Variants in VAT1L observed in about 807,000 individuals in gnomAD.
VAT1L encodes putative NADPH-dependent quinone oxidoreductase VAT1L.
Under a neutral mutation model 44.1 loss-of-function variants are expected in VAT1L, and 34 were observed. That is an observed-to-expected ratio of 0.77 (90% CI 0.59 to 1.03). The LOEUF is 1.03. VAT1L is among the 50% of genes least tolerant of loss of function. VAT1L has a pLI of 0.00. For missense variants in VAT1L, 615 were observed against 538.8 expected (o/e 1.14, Z -1.40); for synonymous variants, 253 against 202.2 (o/e 1.25, Z -2.13).
At chr16:77,913,491 G>C (rs142233353) in intron 7 of VAT1L, among the ~76,000 whole-genome samples, 200 of 150,008 alleles carry the variant, frequency 1.3e-3, no homozygotes, top group African/African-American at 4.6e-3. Context: ...ATCAGCTCTC[G>C]ATCCTCATCA....
Position 77,979,253 on chromosome 16 carries a change from G to T in VAT1L, c.*1558G>T, listed in dbSNP as rs2018373979. The T allele has an allele frequency of 6.6e-6, 1 of 152,552 alleles. No homozygotes were observed. The highest frequency in any genetic ancestry group is 2.1e-4 in the South Asian group (1 of 4,824). The allele number at this position is 152,552 out of a possible 1,614,324, so 9.4% of individuals were successfully genotyped here. On this transcript the variant is annotated 3_prime_UTR_variant, in exon 9 of 9. Transcript: ENST00000302536. ...TATCTGAAGAGTTTCTCCTCATTGT[G>T]AATGTGTATGTAAAATATGAAGACA...
intron 1 of VAT1L, among the ~76,000 whole-genome samples, chr16:77,808,940 C>G (rs1207798804): frequency 1.3e-5 from 2 of 152,098 alleles, no homozygotes; most frequent in Non-Finnish European, 1.5e-5. Flanking sequence ...GAATTTGGAG[C>G]CCCTTGTTAA....
chr16:77,971,945 G>C lies in VAT1L; in HGVS notation c.1161+12G>C. The C allele has an allele frequency of 2.5e-6, 4 of 1,612,156 alleles. No individual in the cohort carries two copies. Among genetic ancestry groups the C allele is most frequent in the Non-Finnish European group, 3.4e-6 (4 of 1,178,952 alleles). On this transcript the variant is annotated intron_variant, in intron 8 of 8. Transcript: ENST00000302536. ...CCCCAACTCCACTGGTGAGTGAAAA[G>C]CAGAGGAGTCTGTTCAGTTCCACGC...
chr16:77,791,737 G>A (rs1314704387), intron 1 of VAT1L, among the ~76,000 whole-genome samples: 1 of 152,096 alleles, frequency 6.6e-6, no homozygotes, highest in Non-Finnish European at 1.5e-5. Context: ...TGGCTTAAGA[G>A]AATATTCTCT....
chr16:77,943,177 C>T (rs1223069463), intron 7 of VAT1L, among the ~76,000 whole-genome samples: 5 of 151,556 alleles, frequency 3.3e-5, no homozygotes, highest in African/African-American at 9.7e-5. Flanking sequence ...CTGCCTCAGC[C>T]TCCTGAGTAG....
chr16:77,903,600 C>G (rs2017407560), intron 7 of VAT1L, among the ~76,000 whole-genome samples: 1 of 152,126 alleles, frequency 6.6e-6, no homozygotes, highest in Admixed American at 6.5e-5. Flanking sequence ...TGGGTACAAC[C>G]ACCCTATCTA....
intron 3 of VAT1L, among the ~76,000 whole-genome samples, chr16:77,830,167 C>T (rs1316347259): frequency 6.6e-6 from 1 of 152,162 alleles, no homozygotes; most frequent in African/African-American, 2.4e-5. Context: ...CTACTCAGAA[C>T]ACTCTTTATC....
intron 3 of VAT1L, among the ~76,000 whole-genome samples, chr16:77,855,294 C>T (rs529530250): frequency 4.7e-5 from 7 of 150,466 alleles, no homozygotes; most frequent in East Asian, 2.0e-4. Flanking sequence ...GAGCCGAGAT[C>T]GTGCCACTGC....
chr16:77,823,389 C>T (rs2016483389), intron 2 of VAT1L, among the ~76,000 whole-genome samples: 2 of 152,112 alleles, frequency 1.3e-5, no homozygotes, highest in Admixed American at 6.5e-5. Context: ...ATGAAAATAT[C>T]AGAGAATATG....
rs202041038 is a variant in VAT1L at position 77,957,554 on chromosome 16, G to A, written c.1078-14296G>A. The stretch of plus-strand genomic sequence containing the variant: ...ATCCAGGCCAACATGGTGAAACCCC[G>A]TCTCTACTAAAAATACAAAACTTAG... On this transcript the variant is annotated intron_variant, in intron 7 of 8. Transcript: ENST00000302536. Among the ~76,000 whole-genome samples, 5 of 151,864 alleles carry A rather than the reference G, an allele frequency of 3.3e-5. No individual in the cohort carries two copies. In the East Asian group the frequency reaches 7.8e-4, roughly 24 times the overall value.
chr16:77,921,419 C>T (rs2017610596), intron 7 of VAT1L, among the ~76,000 whole-genome samples: 1 of 152,096 alleles, frequency 6.6e-6, no homozygotes, highest in Admixed American at 6.6e-5. Context: ...TTAGGAGAAC[C>T]CATGGAAGAA....
intron 2 of VAT1L, among the ~76,000 whole-genome samples, chr16:77,818,772 A>T (rs2016398746): frequency 1.3e-5 from 2 of 152,218 alleles, no homozygotes; most frequent in South Asian, 4.1e-4. Context: ...TGCACAAAAA[A>T]ATAAGTCACT....
At chr16:77,825,097 T>G (rs2016503125) in intron 2 of VAT1L, 149 bp from the exon 3 acceptor site, 3 of 763,670 alleles carry the variant, frequency 3.9e-6, no homozygotes, top group Non-Finnish European at 6.6e-6. Context: ...GAACTCCTGA[T>G]CTTGATTGAT....
chr16:77,915,276 C>T (rs756746367), intron 7 of VAT1L, among the ~76,000 whole-genome samples: 1 of 152,162 alleles, frequency 6.6e-6, no homozygotes, highest in East Asian at 1.9e-4. Context: ...ATTTTTATTA[C>T]CATTCGTAAA....
At chr16:77,895,160 CAT>C (rs1486290283) in intron 7 of VAT1L, among the ~76,000 whole-genome samples, 3 of 147,216 alleles carry the variant, frequency 2.0e-5, no homozygotes, top group South Asian at 2.1e-4. Flanking sequence ...CAGCTGGCCT[CAT>C]GTGTTTTCTG....
At chr16:77,913,311 A>G (rs561885751) in intron 7 of VAT1L, among the ~76,000 whole-genome samples, 8 of 151,998 alleles carry the variant, frequency 5.3e-5, no homozygotes, top group South Asian at 2.1e-4. Context: ...TTGTCTTGCA[A>G]CTCTAAAACT....
intron 2 of VAT1L, among the ~76,000 whole-genome samples, chr16:77,821,870 C>T (rs981351215): frequency 2.0e-5 from 3 of 152,086 alleles, no homozygotes; most frequent in Admixed American, 1.3e-4. Flanking sequence ...GAGAAAAGAA[C>T]ATTTGAGCTG....
At chr16:77,907,809 T>C (rs1312853168) in intron 7 of VAT1L, among the ~76,000 whole-genome samples, 4 of 152,128 alleles carry the variant, frequency 2.6e-5, no homozygotes, top group African/African-American at 9.7e-5. Context: ...AGCTAGGCAG[T>C]TGTGGTCTAT....
intron 1 of VAT1L, among the ~76,000 whole-genome samples, chr16:77,804,990 T>G (rs1428298267): frequency 6.6e-6 from 1 of 152,156 alleles, no homozygotes; most frequent in Non-Finnish European, 1.5e-5. Context: ...CTTGCTTATC[T>G]TAAAATAGTG....
Sources: gnomAD v4.1 joint callset for allele counts (sites outside exome capture counted in the v4.1 genomes callset) on GRCh38, gnomAD v4.1.1 for gene constraint, MANE v1.5 for transcripts, NCBI Gene and HGNC (gene_info 2026-07-23, HGNC 2026-07-21) for gene names.